Variants in DMD observed in about 807,000 individuals in gnomAD.
The protein encoded by DMD is mutant dystrophin.
Under a neutral mutation model 330.1 loss-of-function variants are expected in DMD, and 63 were observed. That is an observed-to-expected ratio of 0.19 (90% CI 0.16 to 0.24). DMD has a LOEUF of 0.24. DMD is among the 10% of genes least tolerant of loss of function. The pLI is 1.00. For missense variants in DMD, 3,344 were observed against 2,684.1 expected, an observed-to-expected ratio of 1.25 and a Z score of -5.43; for synonymous variants, 1,223 against 959.8, an observed-to-expected ratio of 1.27 and a Z score of -5.07.
At chrX:33,009,588 GTATGTGTGTATGTGTA>G (rs1189413493) in intron 2 of DMD, among the ~76,000 whole-genome samples, 1 of 43,376 alleles carries the variant, frequency 2.3e-5, no homozygotes. Context: ...ACATATGTGT[GTATGTGTGTATGTGTA>G]TATACACATA....
At chrX:31,690,969 G>T (rs1322123045) in intron 52 of DMD, among the ~76,000 whole-genome samples, 2 of 110,437 alleles carry the variant, frequency 1.8e-5, no homozygotes, top group East Asian at 5.7e-4. Flanking sequence ...GGCCTGTCGT[G>T]GGGTGAGGGG....
At chrX:31,613,822 C>T (rs1412201263) in intron 55 of DMD, among the ~76,000 whole-genome samples, 1 of 111,688 alleles carries the variant, frequency 9.0e-6, no homozygotes, top group Non-Finnish European at 1.9e-5. Context: ...TGCCTGTTTA[C>T]TGTTCTGTAG....
intron 61 of DMD, among the ~76,000 whole-genome samples, chrX:31,346,797 G>A (rs2058098563): frequency 1.8e-5 from 2 of 108,478 alleles, no homozygotes; most frequent in Non-Finnish European, 3.8e-5. Flanking sequence ...TCAGGAGCTC[G>A]AGACCAGCCT....
At chrX:32,358,557 A>G (rs757563386) in intron 37 of DMD, among the ~76,000 whole-genome samples, 377 of 112,115 alleles carry the variant, frequency 3.4e-3, no homozygotes, top group Non-Finnish European at 5.1e-3. Flanking sequence ...AAGTCATTGG[A>G]TACTCTTAGG....
intron 49 of DMD, among the ~76,000 whole-genome samples, chrX:31,831,651 T>C (rs892447843): frequency 7.2e-5 from 8 of 111,456 alleles, no homozygotes; most frequent in Admixed American, 1.9e-4. Context: ...CAGGCTGGAG[T>C]GCAGTGGCGT....
intron 2 of DMD, among the ~76,000 whole-genome samples, chrX:32,852,982 G>C (rs750278806): frequency 1.8e-5 from 2 of 111,880 alleles, no homozygotes; most frequent in Non-Finnish European, 1.9e-5. Flanking sequence ...AGCAGCAAGA[G>C]AAAAGATACA....
intron 44 of DMD, among the ~76,000 whole-genome samples, chrX:32,078,690 T>C (rs2096370626): frequency 8.9e-6 from 1 of 112,138 alleles, no homozygotes; most frequent in Admixed American, 9.5e-5. Flanking sequence ...ATTGTTATTA[T>C]AGGAGATCAA....
intron 7 of DMD, among the ~76,000 whole-genome samples, chrX:32,787,344 T>C (rs995213702): frequency 9.1e-6 from 1 of 109,652 alleles, no homozygotes; most frequent in Non-Finnish European, 1.9e-5. Flanking sequence ...GATTAGACTC[T>C]GGAGCTCAAG....
chrX:31,370,000 G>A (rs1168262816), intron 60 of DMD, among the ~76,000 whole-genome samples: 1 of 107,972 alleles, frequency 9.3e-6, no homozygotes, highest in Non-Finnish European at 1.9e-5. Context: ...TCGGGAGGCT[G>A]AGGCAGGAGA....
intron 48 of DMD, among the ~76,000 whole-genome samples, chrX:31,840,723 G>T (rs779109529): frequency 1.1e-3 from 123 of 109,858 alleles, no homozygotes; most frequent in African/African-American, 4.0e-3. Context: ...TATGGTGATG[G>T]GTAATCAGTA....
chrX:32,678,571 T>C (rs2062133329), intron 9 of DMD, among the ~76,000 whole-genome samples: 1 of 110,766 alleles, frequency 9.0e-6, no homozygotes. Flanking sequence ...TAGTATATTT[T>C]AATCTCCTAA....
intron 47 of DMD, among the ~76,000 whole-genome samples, chrX:31,877,157 G>C (rs1394606858): frequency 8.9e-6 from 1 of 112,024 alleles, no homozygotes; most frequent in Non-Finnish European, 1.9e-5. Context: ...AAACAAGATT[G>C]TATACGTAAA....
intron 56 of DMD, among the ~76,000 whole-genome samples, chrX:31,499,255 T>C (rs2070182958): frequency 9.0e-6 from 1 of 111,370 alleles, no homozygotes; most frequent in Admixed American, 9.6e-5. Flanking sequence ...ATGTTTGGCC[T>C]CTGTCTGCCT....
chrX:32,408,900 CTAT>C (rs1569561559), intron 30 of DMD, among the ~76,000 whole-genome samples: 271 of 108,895 alleles, frequency 2.5e-3, no homozygotes, highest in African/African-American at 8.8e-3. Flanking sequence ...ATCTATCTAT[CTAT>C]CTATCTATCC....
chrX:32,575,331 T>C (rs191522777), intron 13 of DMD, among the ~76,000 whole-genome samples: 7 of 112,525 alleles, frequency 6.2e-5, no homozygotes, highest in African/African-American at 2.3e-4. Flanking sequence ...AACATAATCA[T>C]GTACTTATAT....
intron 1 of DMD, among the ~76,000 whole-genome samples, chrX:33,025,856 G>T (rs148932914): frequency 0.012 from 1,303 of 111,737 alleles, 24 homozygotes; most frequent in African/African-American, 0.04. Flanking sequence ...ACCACATTCG[G>T]CCTAGAAAAA....
At chrX:33,045,348 C>T (rs2094365240) in intron 1 of DMD, among the ~76,000 whole-genome samples, 4 of 30,231 alleles carry the variant, frequency 1.3e-4, no homozygotes, top group South Asian at 2.7e-3. Context: ...ACAAGTATTT[C>T]GTGAGATTGT....
At chrX:33,071,991 T>C (rs777216539) in intron 1 of DMD, among the ~76,000 whole-genome samples, 1 of 112,626 alleles carries the variant, frequency 8.9e-6, no homozygotes, top group African/African-American at 3.2e-5. Flanking sequence ...TCACAGATTC[T>C]ATTTAGTGCC....
At chrX:31,470,762 C>G (rs1228283472) in intron 59 of DMD, among the ~76,000 whole-genome samples, 1 of 112,079 alleles carries the variant, frequency 8.9e-6, no homozygotes, top group Non-Finnish European at 1.9e-5. Context: ...TGCCCCTTCC[C>G]CGTGGTGCTC....
Sources: gnomAD v4.1 joint callset for allele counts (sites outside exome capture counted in the v4.1 genomes callset) on GRCh38, gnomAD v4.1.1 for gene constraint, MANE v1.5 for transcripts, NCBI Gene and HGNC (gene_info 2026-07-23, HGNC 2026-07-21) for gene names.